ZNF366: variants seen among roughly 807,000 people sequenced by gnomAD.
The protein encoded by ZNF366 is zinc finger protein 366.
A neutral mutation model predicts 47.2 loss-of-function variants in ZNF366; 20 were observed. The observed-to-expected ratio is 0.42, with a 90% CI of 0.30 to 0.62. ZNF366 has a LOEUF of 0.62. Among genes scored for constraint, ZNF366 ranks in the 20% least tolerant of loss-of-function variants. ZNF366 has a pLI of 0.16. For synonymous variants in ZNF366, 421 were observed against 395.1 expected (o/e 1.07, Z -0.78); for missense variants, 987 against 976.3 (o/e 1.01, Z -0.15).
intron 1 of ZNF366, among the ~76,000 whole-genome samples, chr5:72,481,738 A>G (rs1005343800): frequency 5.3e-5 from 8 of 152,130 alleles, no homozygotes; most frequent in Non-Finnish European, 5.9e-5. Flanking sequence ...TTATAATAAG[A>G]ATAAGAAACA....
chr5:72,462,503 C>A (rs2973425), intron 1 of ZNF366, among the ~76,000 whole-genome samples: 5,988 of 146,470 alleles, frequency 0.041, 155 homozygotes, highest in Non-Finnish European at 0.059. Flanking sequence ...CGTCTCCTTG[C>A]CAGTTTTCTT....
intron 1 of ZNF366, among the ~76,000 whole-genome samples, chr5:72,477,175 T>C (rs1362517636): frequency 6.6e-6 from 1 of 152,246 alleles, no homozygotes; most frequent in Non-Finnish European, 1.5e-5. Context: ...TGTACTTTGA[T>C]TGATGGTTCA....
chr5:72,456,574 C>A lies in ZNF366; in HGVS notation c.1354G>T (p.Gly452Trp). The A allele has an allele frequency of 1.2e-6, 2 of 1,611,266 alleles. No individual in the cohort carries two copies. The highest frequency in any genetic ancestry group is 1.7e-6 in the Non-Finnish European group (2 of 1,177,890). The change falls in exon 3 of 5, where the codon GGG becomes TGG. Residue 452 changes from glycine to tryptophan, a missense_variant. Coordinates refer to ENST00000318442, the MANE Select transcript of ZNF366 (RefSeq NM_152625.3). ...THKGVKEHKC[G>W]ICGREFTLLA... ...AGGGTGAACTCCCGCCCACAAATCC[C>A]ACACTTATGCTCCTTCACACCCTGC... is the stretch of plus-strand genomic sequence containing the variant.
intron 1 of ZNF366, among the ~76,000 whole-genome samples, chr5:72,474,610 A>C (rs1743635170): frequency 6.6e-6 from 1 of 152,118 alleles, no homozygotes; most frequent in African/African-American, 2.4e-5. Context: ...CATCACATTC[A>C]TAACCTTGCT....
In ZNF366 at chr5:72,460,672, G is replaced by T; in HGVS notation, c.825C>A (p.His275Gln). The T allele has an allele frequency of 6.2e-7, 1 of 1,614,244 alleles. No individual in the cohort carries two copies. The highest frequency in any genetic ancestry group is 8.5e-7 in the Non-Finnish European group (1 of 1,180,038). The change falls in exon 2 of 5, where the codon CAC becomes CAA. Residue 275 changes from histidine (H) to glutamine (Q), a missense_variant. Around this residue, in one of 3 missense-constraint regions of ZNF366, gnomAD observed 591 missense variants for 560.9 expected, o/e 1.05. Coordinates refer to ENST00000318442, the MANE Select transcript of ZNF366 (RefSeq NM_152625.3). ...KYNLVTHILG[H>Q]SGIKPHACTH... ...TGCACGCGTGCGGCTTGATCCCACT[G>T]TGGCCCAGGATGTGGGTGACCAGGT...
In ZNF366 at chr5:72,443,777, T is replaced by G; in HGVS notation, c.2214A>C (p.Gln738His). 1 of 1,613,374 alleles carries G rather than the reference T, an allele frequency of 6.2e-7. No homozygotes were observed. The highest frequency in any genetic ancestry group is 8.5e-7 in the Non-Finnish European group (1 of 1,179,626). The change falls in exon 5 of 5, where the codon CAA becomes CAC. Residue 738 changes from glutamine (Q) to histidine (H), a missense_variant. By Grantham distance (24) the Gln-to-His change is conservative. Coordinates refer to ENST00000318442, the MANE Select transcript of ZNF366 (RefSeq NM_152625.3). ...KELLERKMEK[Q>H]AVLLGI ...CCACTTAGATACCTAAAAGCACTGC[T>G]TGTTTTTCCATTTTCCTCTCCAGTA...
At chr5:72,445,303 A>G (rs897204065) in intron 4 of ZNF366, among the ~76,000 whole-genome samples, 10 of 152,074 alleles carry the variant, frequency 6.6e-5, no homozygotes, top group African/African-American at 2.4e-4. Context: ...TGGGCGGGAC[A>G]CTGAGGAGGA....
chr5:72,444,275 T>C lies in ZNF366; in HGVS notation c.1716A>G (p.Arg572=), dbSNP rs199626655. The change falls in exon 5 of 5, where the codon AGA becomes AGG. Residue 572 remains arginine, a synonymous_variant. Transcript: ENST00000318442. ...CACCGGCTGTCTGTGCCAGGGCGAT[T>C]CTCCCCCTTCCCAGACCTGCAAGAG... ...GLHSQGLGRG[R]IALAQTAGVL... 185 of 1,611,272 alleles carry C rather than the reference T, an allele frequency of 1.1e-4. 2 individuals carry two copies. In the East Asian group the frequency reaches 3.7e-3, roughly 32 times the overall value.
intron 1 of ZNF366, among the ~76,000 whole-genome samples, chr5:72,488,275 T>C (rs1241176375): frequency 6.6e-6 from 1 of 151,952 alleles, no homozygotes; most frequent in African/African-American, 2.4e-5. Context: ...GAAGAAATGC[T>C]GGAATTGATT....
chr5:72,504,046 T>TGCACACACGCAC (rs772887784), intron 1 of ZNF366, among the ~76,000 whole-genome samples: 3 of 151,346 alleles, frequency 2.0e-5, no homozygotes, highest in African/African-American at 7.3e-5. Context: ...CACACACACA[T>TGCACACACGCAC]GCACACACGC....
intron 2 of ZNF366, among the ~76,000 whole-genome samples, chr5:72,456,970 T>TGAAAAAA (rs1263723303): frequency 6.6e-6 from 1 of 151,924 alleles, no homozygotes; most frequent in African/African-American, 2.4e-5. Context: ...TTCATGATAA[T>TGAAAAAA]GAAAAAAAAA....
At chr5:72,455,409 A>G (rs1461857583) in intron 3 of ZNF366, among the ~76,000 whole-genome samples, 1 of 152,194 alleles carries the variant, frequency 6.6e-6, no homozygotes, top group Non-Finnish European at 1.5e-5. Context: ...TTAGGTACCC[A>G]GTAGCAGAGA....
chr5:72,476,899 A>G (rs1171517691), intron 1 of ZNF366, among the ~76,000 whole-genome samples: 6 of 152,002 alleles, frequency 3.9e-5, no homozygotes, highest in African/African-American at 1.4e-4. Context: ...TTCTCTCTGC[A>G]TGACTATGAT....
chr5:72,458,385 G>A (rs1408731970), intron 2 of ZNF366, among the ~76,000 whole-genome samples: 2 of 152,160 alleles, frequency 1.3e-5, no homozygotes, highest in Non-Finnish European at 2.9e-5. Flanking sequence ...CCAAGGAGAC[G>A]TTTCTGCTTA....
intron 1 of ZNF366, among the ~76,000 whole-genome samples, chr5:72,499,115 CA>C (rs1288069069): frequency 2.0e-5 from 3 of 152,214 alleles, no homozygotes; most frequent in Admixed American, 6.5e-5. Context: ...TTGTTACCCA[CA>C]AAACTGGTGT....
intron 2 of ZNF366, 98 bp downstream of exon 2, chr5:72,460,067 G>A (rs758414115): frequency 6.7e-7 from 1 of 1,482,380 alleles, no homozygotes; most frequent in African/African-American, 1.4e-5. Flanking sequence ...TCGGGGTAAG[G>A]TGCAGAGCGG....
chr5:72,486,485 C>T (rs1212944221), intron 1 of ZNF366, among the ~76,000 whole-genome samples: 3 of 152,186 alleles, frequency 2.0e-5, no homozygotes, highest in Non-Finnish European at 2.9e-5. Context: ...TGTGTACCTC[C>T]CCTGCCCTAC....
At chr5:72,507,177 G>A in intron 1 of ZNF366, 74 bp downstream of exon 1, 1 of 973,994 alleles carries the variant, frequency 1.0e-6, no homozygotes, top group Non-Finnish European at 1.2e-6. Flanking sequence ...GGTATTTTCT[G>A]TTGAAGATGC....
chr5:72,457,518 A>T (rs1279591964), intron 2 of ZNF366, among the ~76,000 whole-genome samples: 1 of 152,202 alleles, frequency 6.6e-6, no homozygotes, highest in East Asian at 1.9e-4. Flanking sequence ...GATGAAATCC[A>T]TATTGCCTGG....
Sources: gnomAD v4.1 joint callset for allele counts (sites outside exome capture counted in the v4.1 genomes callset) on GRCh38, gnomAD v4.1.1 for gene constraint, gnomAD v4.1.1 regional missense constraint, MANE v1.5 for transcripts, NCBI Gene and HGNC (gene_info 2026-07-23, HGNC 2026-07-21) for gene names.